Variants in DAB1 observed in about 807,000 individuals in gnomAD.
The protein encoded by DAB1 is disabled homolog 1.
DAB1 carries 15 observed loss-of-function variants against 64.6 expected under a neutral mutation model. That is an observed-to-expected ratio of 0.23 (90% CI 0.16 to 0.36). The LOEUF (loss-of-function observed/expected upper bound fraction) is 0.36, where lower values mean the gene tolerates loss of function less well. Among genes scored for constraint, DAB1 ranks in the 10% least tolerant of loss-of-function variants. The probability of loss-of-function intolerance (pLI) is 1.00; values close to 1 mark genes in which losing one functional copy is unlikely to be tolerated. For synonymous variants in DAB1, 235 were observed against 251.9 expected, an observed-to-expected ratio of 0.93 and a Z score of 0.64; for missense variants, 596 against 706.7, an observed-to-expected ratio of 0.84 and a Z score of 1.78.
At chr1:58,512,580 T>C (rs1046467354) in intron 2 of DAB1, among the ~76,000 whole-genome samples, 4 of 152,070 alleles carry the variant, frequency 2.6e-5, no homozygotes, top group Non-Finnish European at 5.9e-5. Flanking sequence ...AAAAAGGAAA[T>C]CCTGTCATAT....
At chr1:57,377,984 G>GC (rs1681048286) in intron 1 of DAB1, among the ~76,000 whole-genome samples, 3 of 152,186 alleles carry the variant, frequency 2.0e-5, no homozygotes, top group Admixed American at 2.0e-4. Context: ...CCTGAAATGT[G>GC]GGAGATGGGA....
At chr1:58,540,772 C>T (rs1266782333) in intron 1 of DAB1, among the ~76,000 whole-genome samples, 1 of 151,322 alleles carries the variant, frequency 6.6e-6, no homozygotes, top group Non-Finnish European at 1.5e-5. Flanking sequence ...GCCTAATATT[C>T]ATCTAACTGA....
At chr1:57,972,574 A>G (rs1018263427) in intron 5 of DAB1, among the ~76,000 whole-genome samples, 1 of 152,174 alleles carries the variant, frequency 6.6e-6, no homozygotes, top group African/African-American at 2.4e-5. Context: ...GGACTTCATA[A>G]GCTTAGATGT....
At chr1:58,189,857 G>T (rs1441566814) in intron 4 of DAB1, among the ~76,000 whole-genome samples, 1 of 152,186 alleles carries the variant, frequency 6.6e-6, no homozygotes, top group Non-Finnish European at 1.5e-5. Context: ...AGGCACAGGG[G>T]TCCCATGGGC....
At chr1:57,881,021 G>A (rs1391006791) in intron 1 of DAB1, 2 of 152,196 alleles carry the variant, frequency 1.3e-5, no homozygotes, top group Non-Finnish European at 2.9e-5. Context: ...GTTGCTTCTA[G>A]TTGAATGACC....
intron 7 of DAB1, among the ~76,000 whole-genome samples, chr1:57,632,210 T>C (rs1473209468): frequency 6.6e-6 from 1 of 152,246 alleles, no homozygotes; most frequent in African/African-American, 2.4e-5. Context: ...TAGTGCTGCA[T>C]AGGCGTGGAA....
At chr1:57,172,127 T>C (rs1401608306) in intron 2 of DAB1, among the ~76,000 whole-genome samples, 1 of 152,188 alleles carries the variant, frequency 6.6e-6, no homozygotes, top group Non-Finnish European at 1.5e-5. Context: ...CATGATGTTC[T>C]CCCTGTGTGT....
At chr1:58,227,298 A>C (rs1170463439) in intron 4 of DAB1, among the ~76,000 whole-genome samples, 5 of 152,220 alleles carry the variant, frequency 3.3e-5, no homozygotes, top group Non-Finnish European at 5.9e-5. Context: ...GAGAGGTTGC[A>C]AAATGCTGGA....
At chr1:57,267,427 G>C (rs1670671854) in intron 2 of DAB1, among the ~76,000 whole-genome samples, 1 of 152,216 alleles carries the variant, frequency 6.6e-6, no homozygotes, top group South Asian at 2.1e-4. Flanking sequence ...CTGTCATAAA[G>C]ACAAGGAAGC....
At chr1:57,238,188 C>G (rs1315318747) in intron 2 of DAB1, among the ~76,000 whole-genome samples, 1 of 152,178 alleles carries the variant, frequency 6.6e-6, no homozygotes, top group Non-Finnish European at 1.5e-5. Flanking sequence ...TCAGCATCCC[C>G]TGGAAGGTGT....
intron 4 of DAB1, among the ~76,000 whole-genome samples, chr1:58,162,589 T>C (rs1011501269): frequency 6.6e-6 from 1 of 152,140 alleles, no homozygotes; most frequent in African/African-American, 2.4e-5. Context: ...CACAAACACA[T>C]TCACAAACAC....
intron 9 of DAB1, among the ~76,000 whole-genome samples, chr1:57,043,433 C>G (rs1648056218): frequency 6.6e-6 from 1 of 152,218 alleles, no homozygotes; most frequent in African/African-American, 2.4e-5. Context: ...CTGAACATAT[C>G]CCAAAGCTGT....
At chr1:57,424,109 C>T (rs1212435820), upstream of DAB1, 1 of 150,966 alleles carries the variant, frequency 6.6e-6, no homozygotes, top group Non-Finnish European at 1.5e-5. Context: ...GGGAGGAGAC[C>T]GCCACCCGCG....
At position 57,578,110 on chromosome 1, in the gene DAB1, T is replaced by A. The variant is rs375728198; in HGVS notation, n.625+71482A>T. Among the ~76,000 whole-genome samples the A allele has an allele frequency of 5.9e-5, 9 of 152,302 alleles. No homozygotes were observed. The South Asian group carries it at 1.2e-3, about 21-fold the overall frequency. On this transcript the variant is annotated intron_variant and non_coding_transcript_variant, in intron 7 of 20. Coordinates refer to the DAB1 transcript ENST00000485760. The stretch of plus-strand genomic sequence containing the variant: ...CTGGCATTTTCATTTATCATGCGAA[T>A]GAAAGAAGTTAAATTAGGTCATGCC...
intron 2 of DAB1, among the ~76,000 whole-genome samples, chr1:57,276,863 T>TC (rs1450634633): frequency 2.0e-5 from 3 of 152,236 alleles, no homozygotes; most frequent in African/African-American, 7.2e-5. Context: ...TATTAGATTT[T>TC]AAGTTCCTTG....
intron 6 of DAB1, among the ~76,000 whole-genome samples, chr1:57,778,174 A>G (rs993758640): frequency 6.6e-6 from 1 of 152,092 alleles, no homozygotes; most frequent in Non-Finnish European, 1.5e-5. Flanking sequence ...TCATATGCAT[A>G]TGATATGATA....
At chr1:58,055,933 T>TC (rs1648040129) in intron 5 of DAB1, among the ~76,000 whole-genome samples, 1 of 151,270 alleles carries the variant, frequency 6.6e-6, no homozygotes, top group African/African-American at 2.4e-5. Context: ...AGACAGGGTC[T>TC]CCCTATGTTG....
intron 5 of DAB1, among the ~76,000 whole-genome samples, chr1:58,082,190 G>A (rs1459670231): frequency 6.6e-6 from 1 of 152,090 alleles, no homozygotes; most frequent in Non-Finnish European, 1.5e-5. Context: ...TTATGATTTT[G>A]CATTCTGATG....
At chr1:58,198,165 A>G (rs1657794418) in intron 4 of DAB1, among the ~76,000 whole-genome samples, 1 of 152,222 alleles carries the variant, frequency 6.6e-6, no homozygotes, top group South Asian at 2.1e-4. Flanking sequence ...CAGAGTACAG[A>G]GAGCTGTCCC....
Sources: allele counts gnomAD v4.1 joint callset (sites outside exome capture counted in the v4.1 genomes callset), GRCh38; gene constraint gnomAD v4.1.1; transcripts MANE v1.5; gene names NCBI Gene and HGNC (gene_info 2026-07-23, HGNC 2026-07-21).